Variants in CAST observed in about 807,000 individuals in gnomAD.
The protein encoded by CAST is MIR583 host.
CAST carries 76 observed loss-of-function variants against 119.6 expected under a neutral mutation model. That is an observed-to-expected ratio of 0.64 (90% CI 0.53 to 0.77). The LOEUF (loss-of-function observed/expected upper bound fraction) is 0.77, where lower values mean the gene tolerates loss of function less well. Ranked by LOEUF, CAST falls within the 30% of genes least tolerant of loss-of-function variation. The pLI, the probability that CAST is intolerant of heterozygous loss-of-function variation, is 0.00. For synonymous variants in CAST, 319 were observed against 331.6 expected (o/e 0.96, Z 0.41); for missense variants, 953 against 946.5 (o/e 1.01, Z -0.09).
intron 2 of CAST, among the ~76,000 whole-genome samples, chr5:96,695,581 C>T (rs1490622186): frequency 6.6e-6 from 1 of 152,164 alleles, no homozygotes; most frequent in Non-Finnish European, 1.5e-5. Context: ...AGAACTGCCT[C>T]AGTGAGTTTT....
At chr5:95,999,030 T>C in the CAST span, among the ~76,000 whole-genome samples, 1 of 152,058 alleles carries the variant, frequency 6.6e-6, no homozygotes, top group African/African-American at 2.4e-5. Context: ...ACCTGTTTAT[T>C]GGCTGTTTGT....
chr5:96,361,303 G>A, the CAST span, among the ~76,000 whole-genome samples: 1 of 152,172 alleles, frequency 6.6e-6, no homozygotes, highest in Non-Finnish European at 1.5e-5. Context: ...AGACCAGTTG[G>A]TTCCCTGGTT....
the CAST span, among the ~76,000 whole-genome samples, chr5:96,217,123 C>T: frequency 1.3e-5 from 2 of 151,526 alleles, no homozygotes; most frequent in Non-Finnish European, 2.9e-5. Flanking sequence ...CTTGTAGTCT[C>T]GAACTCCTGG....
chr5:96,680,559 A>T (rs1325754498), intron 2 of CAST, among the ~76,000 whole-genome samples: 1 of 151,930 alleles, frequency 6.6e-6, no homozygotes, highest in East Asian at 1.9e-4. Context: ...AAGGAACACC[A>T]TTATAGGGCC....
chr5:96,432,725 AG>A, the CAST span: 1 of 695,522 alleles, frequency 1.4e-6, no homozygotes, highest in Non-Finnish European at 2.5e-6. Flanking sequence ...GACAGGGGCG[AG>A]GGCTGGAGCA....
the CAST span, among the ~76,000 whole-genome samples, chr5:96,128,512 A>C: frequency 6.6e-6 from 1 of 152,076 alleles, no homozygotes; most frequent in African/African-American, 2.4e-5. Context: ...GCCTTTACCA[A>C]ATTAGATTTT....
At chr5:96,196,488 A>T in the CAST span, among the ~76,000 whole-genome samples, 2 of 152,328 alleles carry the variant, frequency 1.3e-5, no homozygotes, top group East Asian at 3.9e-4. Context: ...TTGCAGATAA[A>T]TACATAAGAA....
At chr5:96,304,610 T>G in the CAST span, among the ~76,000 whole-genome samples, 5 of 152,370 alleles carry the variant, frequency 3.3e-5, no homozygotes, top group Admixed American at 1.3e-4. Flanking sequence ...TTAATCCATC[T>G]TGAGTTAATT....
chr5:96,458,411 T>A, the CAST span, among the ~76,000 whole-genome samples: 3 of 152,116 alleles, frequency 2.0e-5, no homozygotes, highest in African/African-American at 7.2e-5. Flanking sequence ...TTACTACACT[T>A]TGAGATTTCA....
At chr5:96,161,558 G>C in the CAST span, among the ~76,000 whole-genome samples, 2 of 152,154 alleles carry the variant, frequency 1.3e-5, no homozygotes, top group Non-Finnish European at 2.9e-5. Context: ...TTTAAAAGCA[G>C]GAGGTATGAG....
chr5:96,470,678 C>A, the CAST span, among the ~76,000 whole-genome samples: 9 of 151,786 alleles, frequency 5.9e-5, no homozygotes, highest in African/African-American at 2.2e-4. Flanking sequence ...AATAGCTTAC[C>A]CATTAATTTA....
At chr5:96,383,044 G>C in the CAST span, among the ~76,000 whole-genome samples, 1 of 152,188 alleles carries the variant, frequency 6.6e-6, no homozygotes, top group Non-Finnish European at 1.5e-5. Context: ...TAACCTGAGA[G>C]ACATTAGAGG....
the CAST span, among the ~76,000 whole-genome samples, chr5:96,153,398 C>T: frequency 6.6e-6 from 1 of 152,196 alleles, no homozygotes; most frequent in African/African-American, 2.4e-5. Flanking sequence ...TCTGGAATTC[C>T]TTGACTAGGC....
chr5:96,481,324 T>TTTTAGATCCTTTAAAC, the CAST span, among the ~76,000 whole-genome samples: 3 of 152,170 alleles, frequency 2.0e-5, no homozygotes, highest in East Asian at 5.8e-4. Flanking sequence ...AAGAGCCTTC[T>TTTTAGATCCTTTAAAC]TTTAGATCCT....
the CAST span, among the ~76,000 whole-genome samples, chr5:96,342,518 C>T: frequency 2.0e-5 from 3 of 152,170 alleles, no homozygotes; most frequent in East Asian, 3.9e-4. Flanking sequence ...CCTTAGAAGA[C>T]GCATTGCTGC....
the CAST span, among the ~76,000 whole-genome samples, chr5:96,265,252 C>A: frequency 2.6e-5 from 4 of 151,820 alleles, no homozygotes; most frequent in Non-Finnish European, 5.9e-5. Flanking sequence ...GAAACAGAAC[C>A]AAAAGGAGGT....
At chr5:96,168,592 G>A in the CAST span, among the ~76,000 whole-genome samples, 1 of 152,194 alleles carries the variant, frequency 6.6e-6, no homozygotes, top group South Asian at 2.1e-4. Context: ...AGCATAGCTT[G>A]CCTTTGCTGG....
At chr5:96,140,938 C>A in the CAST span, among the ~76,000 whole-genome samples, 7 of 152,120 alleles carry the variant, frequency 4.6e-5, no homozygotes, top group African/African-American at 1.7e-4. Context: ...TACACTGTGT[C>A]TTTTTGATGT....
the CAST span, among the ~76,000 whole-genome samples, chr5:96,145,324 T>G: frequency 6.6e-6 from 1 of 152,182 alleles, no homozygotes; most frequent in Non-Finnish European, 1.5e-5. Context: ...GAATTTTTAT[T>G]TAGGTTGCAA....
Sources: allele counts gnomAD v4.1 joint callset (sites outside exome capture counted in the v4.1 genomes callset), GRCh38; gene constraint gnomAD v4.1.1; transcripts MANE v1.5; gene names NCBI Gene and HGNC (gene_info 2026-07-23, HGNC 2026-07-21).